The following ZNF790 variants were observed in gnomAD, a reference collection of about 807,000 sequenced individuals.
ZNF790 encodes zinc finger protein 790.
A neutral mutation model predicts 12.1 loss-of-function variants in ZNF790; 8 were observed. The ratio of observed to expected loss-of-function variants is 0.66; its 90% CI spans 0.39 to 1.19. ZNF790 has a LOEUF of 1.19. Ranked by LOEUF, ZNF790 falls within the 50% of genes most tolerant of loss-of-function variation. ZNF790 has a pLI of 0.01. For synonymous variants in ZNF790, 252 were observed against 244.3 expected (o/e 1.03, Z -0.29); for missense variants, 707 against 752.2 (o/e 0.94, Z 0.70).
rs558135482 is a variant in ZNF790, at chr19:36,823,649, G to A, written c.133+18C>T. Reference sequence around the variant, plus strand: ...AATACAGAAAGCAGGAATTTCTAAGGAAAATGCTGAATCTTACCCAGTGAG... The same window carrying A: ...AATACAGAAAGCAGGAATTTCTAAGAAAAATGCTGAATCTTACCCAGTGAG... On this transcript the variant is annotated intron_variant, in intron 3 of 4. Coordinates refer to ENST00000356725, the MANE Select transcript of ZNF790 (RefSeq NM_206894.4). 2.5e-6 allele frequency: 4 copies of A among 1,596,704 alleles called. No homozygotes were observed. In the South Asian group the frequency reaches 3.5e-5, roughly 14 times the overall value.
chr19:36,843,936 G>A (rs2072151859), intron 1 of ZNF790, among the ~76,000 whole-genome samples: 1 of 150,974 alleles, frequency 6.6e-6, no homozygotes, highest in African/African-American at 2.4e-5. Context: ...TGAACCCAGA[G>A]GTGGAGGGTG....
chr19:36,829,703 G>A (rs2071907718), intron 1 of ZNF790, among the ~76,000 whole-genome samples: 1 of 152,160 alleles, frequency 6.6e-6, no homozygotes, highest in African/African-American at 2.4e-5. Flanking sequence ...GAGTAGCTGG[G>A]ATTACAGGCA....
At chr19:36,837,631 A>C (rs773674671) in intron 1 of ZNF790, 3 of 150,338 alleles carry the variant, frequency 2.0e-5, no homozygotes, top group Non-Finnish European at 4.4e-5. Context: ...TAATTCTTGC[A>C]TTTTTAACTA....
rs75673829 is a variant in ZNF790, at chr19:36,827,380, T to C, written c.-73-1688A>G. Among the ~76,000 whole-genome samples the C allele has an allele frequency of 5.2e-3, 791 of 151,982 alleles. 21 individuals are homozygous for C. The highest frequency in any genetic ancestry group is 0.038 in the Admixed American group (579 of 15,248). Reference sequence around the variant, plus strand: ...TTGGTGCAGTCTGGGAGCTTAGCTCTTTTTGTAACAAGTTGTTTGGCATGA... The same window carrying C: ...TTGGTGCAGTCTGGGAGCTTAGCTCCTTTTGTAACAAGTTGTTTGGCATGA... On this transcript the variant is annotated intron_variant, in intron 1 of 4. Coordinates refer to ENST00000356725, the MANE Select transcript of ZNF790 (RefSeq NM_206894.4).
intron 1 of ZNF790, among the ~76,000 whole-genome samples, chr19:36,848,617 G>T (rs2072203264): frequency 6.6e-6 from 1 of 151,684 alleles, no homozygotes; most frequent in Admixed American, 6.6e-5. Flanking sequence ...TCCAAATTTT[G>T]TTGTTTTTGT....
chr19:36,819,225 T>G lies in ZNF790; in HGVS notation c.1119A>C (p.Lys373Asn). ...EKSHECKECG[K>N]AFIRGSNLAQ... ...CAAGATTTGAACCACGAATAAAGGC[T>G]TTTCCACATTCCTTACACTCATGAG... is the stretch of plus-strand genomic sequence containing the variant. The change falls in exon 5 of 5, where the codon AAA (lysine) becomes AAC (asparagine). Residue 373 changes from lysine (K) to asparagine (N), a missense_variant. Physicochemically the swap from Lys to Asn is moderately conservative, Grantham distance 94 (BLOSUM62 0). Coordinates refer to ENST00000356725, the MANE Select transcript of ZNF790 (RefSeq NM_206894.4). The G allele has an allele frequency of 6.2e-7, 1 of 1,613,846 alleles. No homozygotes were observed. Among genetic ancestry groups the G allele is most frequent in the Non-Finnish European group, 8.5e-7 (1 of 1,179,948 alleles).
rs779735213 is a variant in ZNF790 at position 36,823,992 on chromosome 19, CTTTTTTTTTTT to C, written c.10-213_10-203del. ...GACAAAAGCCAAGTGTCTACATGCT[CTTTTTTTTTTT>C]TTTTTTTTTTGAGACAAGAGTCTCG... On this transcript the variant is annotated intron_variant, in intron 2 of 4. Coordinates refer to ENST00000356725, the MANE Select transcript of ZNF790 (RefSeq NM_206894.4). Among the ~76,000 whole-genome samples the C allele has an allele frequency of 9.2e-4, 96 of 104,388 alleles. No individual in the cohort carries two copies. The East Asian group carries it at 0.021, about 23-fold the overall frequency. The allele number at this position is 104,388 out of a possible 152,430, so 68.5% of individuals were successfully genotyped here.
rs141967225 is a variant in ZNF790 at position 36,818,515 on chromosome 19, A to C, written c.1829T>G (p.Ile610Ser). The C allele has an allele frequency of 2.3e-5, 37 of 1,597,540 alleles. No individual in the cohort carries two copies. The African/African-American group carries it at 5.0e-4, about 21-fold the overall frequency. ...HESNFAQHQN[I>S]YTFEKSYEFK... ...TTCATAGGATTTCTCAAAAGTGTAA[A>C]TATTCTGGTGTTGAGCAAAGTTTGA... The change falls in exon 5 of 5, where the codon ATT becomes AGT. Residue 610 changes from isoleucine (I) to serine (S), a missense_variant. By Grantham distance (142) the Ile-to-Ser change is moderately radical. Coordinates refer to ENST00000356725, the MANE Select transcript of ZNF790 (RefSeq NM_206894.4).
chr19:36,820,537 A>C (rs2071644711), intron 4 of ZNF790, among the ~76,000 whole-genome samples: 1 of 152,224 alleles, frequency 6.6e-6, no homozygotes. Context: ...TTACCAAAGT[A>C]CTAGGATCTC....
intron 1 of ZNF790, among the ~76,000 whole-genome samples, chr19:36,835,997 T>C (rs555299963): frequency 1.6e-4 from 25 of 152,180 alleles, no homozygotes; most frequent in Middle Eastern, 3.4e-3. Context: ...TAAAGTAGCA[T>C]CGTCCTAGTT....
chr19:36,835,284 AAAAATAAAAT>A (rs142838199), intron 1 of ZNF790, among the ~76,000 whole-genome samples: 8 of 152,072 alleles, frequency 5.3e-5, no homozygotes, highest in African/African-American at 1.7e-4. Context: ...CCGTCTCAAA[AAAAATAAAAT>A]AAAATAAAAT....
rs1250975345 is a variant in ZNF790 at position 36,817,610 on chromosome 19, C to G, written c.*823G>C. The G allele has an allele frequency of 6.6e-6, 1 of 151,198 alleles. No individual in the cohort carries two copies. The highest frequency in any genetic ancestry group is 2.4e-5 in the African/African-American group (1 of 41,116). 9.4% of individuals were successfully genotyped at this position (151,198 alleles called of 1,614,324 possible). On this transcript the variant is annotated 3_prime_UTR_variant, in exon 5 of 5. Coordinates refer to ENST00000356725, the MANE Select transcript of ZNF790 (RefSeq NM_206894.4). ...TCATGTAAATCTCAAATCATTCAAC[C>G]CTTATAATCTAATGAATACGATTAA...
chr19:36,820,374 G>T (rs1600645002), intron 4 of ZNF790, among the ~76,000 whole-genome samples: 1 of 152,110 alleles, frequency 6.6e-6, no homozygotes, highest in Admixed American at 6.6e-5. Context: ...GATTATCCAG[G>T]TATCACCTCA....
chr19:36,840,279 G>T (rs1008753518), upstream of ZNF790, among the ~76,000 whole-genome samples: 2 of 151,984 alleles, frequency 1.3e-5, no homozygotes, highest in African/African-American at 4.8e-5. Context: ...ACCACTACAC[G>T]CCCAAGCTCT....
Position 36,823,976 on chromosome 19 carries a change from C to T in ZNF790, c.10-186G>A, listed in dbSNP as rs1352053682. On this transcript the variant is annotated intron_variant, in intron 2 of 4. Transcript: ENST00000356725. The stretch of plus-strand genomic sequence containing the variant: ...ACATGGGAATAAGGGTGACAAAAGC[C>T]AAGTGTCTACATGCTCTTTTTTTTT... Among the ~76,000 whole-genome samples the T allele has an allele frequency of 2.0e-5, 3 of 147,702 alleles. No individual in the cohort carries two copies. The East Asian group carries it at 5.9e-4, about 29-fold the overall frequency.
At chr19:36,827,423 C>T (rs369713738) in intron 1 of ZNF790, among the ~76,000 whole-genome samples, 2 of 151,792 alleles carry the variant, frequency 1.3e-5, no homozygotes, top group African/African-American at 2.4e-5. Flanking sequence ...TCACAAGGGC[C>T]CTTCCTGACT....
intron 4 of ZNF790, among the ~76,000 whole-genome samples, chr19:36,820,370 C>T (rs1423118909): frequency 6.6e-6 from 1 of 152,066 alleles, no homozygotes; most frequent in Non-Finnish European, 1.5e-5. Context: ...AAATGATTAT[C>T]CAGGTATCAC....
intron 3 of ZNF790, 64 bp from the exon 4 acceptor site, chr19:36,823,444 T>A: frequency 6.7e-7 from 1 of 1,493,302 alleles, no homozygotes; most frequent in South Asian, 1.2e-5. Context: ...TGCAACTACT[T>A]CTTTGGTTAC....
intron 1 of ZNF790, among the ~76,000 whole-genome samples, chr19:36,835,776 C>G (rs2146077993): frequency 6.6e-6 from 1 of 151,326 alleles, no homozygotes; most frequent in East Asian, 1.9e-4. Flanking sequence ...CACCAACATT[C>G]CTTGGCTTAA....
Sources: allele counts gnomAD v4.1 joint callset (sites outside exome capture counted in the v4.1 genomes callset), GRCh38; gene constraint gnomAD v4.1.1; transcripts MANE v1.5; gene names NCBI Gene and HGNC (gene_info 2026-07-23, HGNC 2026-07-21).